Variants in RIGI observed in about 807,000 individuals in gnomAD.
RIGI encodes the protein RNA sensor RIG-I.
At chr9:32,495,548 T>G in the RIGI span, among the ~76,000 whole-genome samples, 1 of 152,106 alleles carries the variant, frequency 6.6e-6, no homozygotes, top group East Asian at 1.9e-4. Context: ...GAGGTGATAT[T>G]GCATTATGGC....
the RIGI span, among the ~76,000 whole-genome samples, chr9:32,463,238 T>G: frequency 2.6e-5 from 4 of 152,242 alleles, no homozygotes; most frequent in Non-Finnish European, 5.9e-5. Flanking sequence ...TGTCCAGGCC[T>G]CCTGTTTTTA....
the RIGI span, chr9:32,481,369 C>T: frequency 2.5e-5 from 40 of 1,613,610 alleles, no homozygotes; most frequent in Non-Finnish European, 3.4e-5. Context: ...AAAAACAGGG[C>T]TTTACAAATC....
At chr9:32,459,613 T>C in the RIGI span, 1 of 1,156,798 alleles carries the variant, frequency 8.6e-7, no homozygotes, top group South Asian at 1.6e-5. Flanking sequence ...CACGCACATG[T>C]ATAATCATTC....
chr9:32,492,673 A>G, the RIGI span: 5 of 1,023,110 alleles, frequency 4.9e-6, no homozygotes, highest in African/African-American at 3.3e-5. Context: ...GGTCATATCC[A>G]TGACAATTTT....
chr9:32,488,289 G>T, the RIGI span: 1 of 1,408,536 alleles, frequency 7.1e-7, no homozygotes. Flanking sequence ...AACATCAACT[G>T]ATTAAATTCT....
chr9:32,479,315 T>G, the RIGI span, among the ~76,000 whole-genome samples: 1 of 152,224 alleles, frequency 6.6e-6, no homozygotes, highest in African/African-American at 2.4e-5. Flanking sequence ...GCATACATTT[T>G]TTCTCTAGTG....
chr9:32,485,381 C>T, the RIGI span: 1 of 798,224 alleles, frequency 1.3e-6, no homozygotes, highest in Admixed American at 2.4e-5. Flanking sequence ...CCTTTCTCTG[C>T]CTTTGATACT....
At chr9:32,496,298 G>C in the RIGI span, among the ~76,000 whole-genome samples, 1 of 152,180 alleles carries the variant, frequency 6.6e-6, no homozygotes, top group Non-Finnish European at 1.5e-5. Flanking sequence ...GTGTCAACTT[G>C]ACTGGGCTTA....
At chr9:32,488,915 C>T in the RIGI span, 3 of 1,565,460 alleles carry the variant, frequency 1.9e-6, no homozygotes, top group Non-Finnish European at 2.6e-6. Context: ...AAAAAGAAAA[C>T]ATGTAACTCA....
chr9:32,459,329 G>A, the RIGI span: 1 of 1,600,702 alleles, frequency 6.2e-7, no homozygotes, highest in Non-Finnish European at 8.5e-7. Context: ...GCTGTAGCTA[G>A]TGCTAAAACA....
chr9:32,479,241 T>C, the RIGI span, among the ~76,000 whole-genome samples: 1 of 152,220 alleles, frequency 6.6e-6, no homozygotes, highest in African/African-American at 2.4e-5. Context: ...TATTTTTATT[T>C]ATAAATTGTG....
At chr9:32,526,032 G>C in the RIGI span, 1 of 1,551,942 alleles carries the variant, frequency 6.4e-7, no homozygotes. Context: ...ATTGTTTTCC[G>C]CCGAGAAGGC....
the RIGI span, among the ~76,000 whole-genome samples, chr9:32,478,023 G>C: frequency 6.6e-6 from 1 of 152,102 alleles, no homozygotes; most frequent in East Asian, 1.9e-4. Context: ...GTCAACTGTT[G>C]TGGTTTCTGT....
chr9:32,504,161 G>A, the RIGI span, among the ~76,000 whole-genome samples: 4,413 of 152,074 alleles, frequency 0.029, 94 homozygotes, highest in Non-Finnish European at 0.046. Flanking sequence ...GAGAAACATG[G>A]CTTCAGTGCT....
chr9:32,469,008 C>G, the RIGI span, among the ~76,000 whole-genome samples: 3 of 152,258 alleles, frequency 2.0e-5, no homozygotes, highest in East Asian at 5.8e-4. Context: ...AAACCAGACC[C>G]CTAAAAATTG....
the RIGI span, chr9:32,485,348 G>T: frequency 0.01 from 11,703 of 1,121,560 alleles, 75 homozygotes; most frequent in Non-Finnish European, 0.012. Context: ...ACAGATTGTA[G>T]TTCAAAGTAG....
At chr9:32,499,316 G>GTTTTTTTTTTTTTTTTT in the RIGI span, among the ~76,000 whole-genome samples, 18 of 57,636 alleles carry the variant, frequency 3.1e-4, 1 homozygote, top group African/African-American at 5.3e-4. Context: ...TTTGTGATTT[G>GTTTTTTTTTTTTTTTTT]TTTTTTTTTT....
At chr9:32,490,648 A>G in the RIGI span, among the ~76,000 whole-genome samples, 1 of 152,160 alleles carries the variant, frequency 6.6e-6, no homozygotes, top group South Asian at 2.1e-4. Flanking sequence ...TTTATACATA[A>G]CTTTTTATTA....
the RIGI span, among the ~76,000 whole-genome samples, chr9:32,500,422 A>G: frequency 6.6e-6 from 1 of 152,332 alleles, no homozygotes; most frequent in South Asian, 2.1e-4. Flanking sequence ...CATTTTCTCC[A>G]TTCAGACCTT....
Sources: gnomAD v4.1 joint callset for allele counts (sites outside exome capture counted in the v4.1 genomes callset) on GRCh38, gnomAD v4.1.1 for gene constraint, MANE v1.5 for transcripts, NCBI Gene and HGNC (gene_info 2026-07-23, HGNC 2026-07-21) for gene names.